Variants in LRRCC1 observed in about 807,000 individuals in gnomAD.
LRRCC1 encodes the protein leucine rich repeat and coiled-coil centrosomal protein 1, also known as leucine-rich repeat and coiled-coil domain-containing protein 1.
Under a neutral mutation model 126.0 loss-of-function variants are expected in LRRCC1, and 115 were observed. The observed-to-expected ratio is 0.91, with a 90% CI of 0.78 to 1.07. LRRCC1 has a LOEUF of 1.07. Among genes scored for constraint, LRRCC1 ranks in the 50% least tolerant of loss-of-function variants. LRRCC1 has a pLI of 0.00. For synonymous variants in LRRCC1, 400 were observed against 393.4 expected (o/e 1.02, Z -0.20); for missense variants, 1,172 against 1,175.7 (o/e 1.00, Z 0.05).
rs1442564395 is a variant in LRRCC1, at chr8:85,115,560, C to A, written c.906C>A (p.Asp302Glu). 6.2e-7 allele frequency: 1 copy of A among 1,605,862 alleles called. No homozygotes were observed. Among genetic ancestry groups the A allele is most frequent in the Non-Finnish European group, 8.5e-7 (1 of 1,173,616 alleles). Residue 302 changes from aspartate (D) to glutamate (E), a missense_variant, in exon 6 of 19, where the codon GAC becomes GAA. Asp to Glu is a conservative substitution (Grantham distance 45). Coordinates refer to ENST00000360375, the MANE Select transcript of LRRCC1 (RefSeq NM_033402.5). Reference protein sequence around the residue: ...QNEIKLQKLDDQILQLLNETS... With the variant: ...QNEIKLQKLDEQILQLLNETS... ...AGATAAAACTTCAGAAATTAGATGA[C>A]CAAATTCTACAACTTCTAAATGAAG...
At chr8:85,143,926 T>A (rs2136013257) in intron 18 of LRRCC1, among the ~76,000 whole-genome samples, 1 of 152,134 alleles carries the variant, frequency 6.6e-6, no homozygotes, top group South Asian at 2.1e-4. Context: ...TTGGGAGAAA[T>A]ATTAGTTTTC....
At chr8:85,111,121 T>A (rs950433107) in intron 3 of LRRCC1, among the ~76,000 whole-genome samples, 1 of 152,228 alleles carries the variant, frequency 6.6e-6, no homozygotes, top group African/African-American at 2.4e-5. Context: ...CTCACGCCTG[T>A]AATCCCAGCA....
At chr8:85,107,491 C>A in intron 1 of LRRCC1, 92 bp downstream of exon 1, 4 of 1,097,014 alleles carry the variant, frequency 3.6e-6, no homozygotes, top group South Asian at 1.5e-5. Context: ...GGAGGCGCGG[C>A]ACTGCTTTAC....
At position 85,129,333 on chromosome 8, in the gene LRRCC1, C is replaced by T; in HGVS notation, c.1580C>T (p.Thr527Ile). The stretch of plus-strand genomic sequence containing the variant: ...AAACACTTAAGAACCCTCGAAAAAA[C>T]ATTAGAAAAAATGGAGAGACAAAAA... ...HLKHLRTLEK[T>I]LEKMERQKRQ... Residue 527 changes from threonine to isoleucine, a missense_variant, in exon 10 of 19, where the codon ACA becomes ATA. Transcript: ENST00000360375. The T allele has an allele frequency of 6.2e-7, 1 of 1,611,870 alleles. No homozygotes were observed.
At chr8:85,111,878 T>G (rs1048387062) in intron 3 of LRRCC1, among the ~76,000 whole-genome samples, 2 of 151,860 alleles carry the variant, frequency 1.3e-5, no homozygotes, top group African/African-American at 4.8e-5. Context: ...TTTTGTTTTT[T>G]TTTTTTTTTA....
Position 85,130,013 on chromosome 8 carries a change from C to A in LRRCC1, c.1721C>A (p.Ala574Glu), listed in dbSNP as rs765839225. Residue 574 changes from alanine to glutamate, a missense_variant, in exon 11 of 19, where the codon GCG becomes GAG. Transcript: ENST00000360375. ...RTSLHREREQ[A>E]QQLHQLLALK... The stretch of plus-strand genomic sequence containing the variant: ...TCCCTTCATCGAGAAAGAGAACAAG[C>A]GCAACAACTTCATCAACTTCTTGCA... 6.9e-6 allele frequency: 11 copies of A among 1,598,856 alleles called. No homozygotes were observed. In the South Asian group the frequency reaches 1.1e-4, roughly 16 times the overall value.
rs1325269951 is a variant in LRRCC1, at chr8:85,138,167, A to G, written c.2626A>G (p.Asn876Asp). 25 of 1,612,118 alleles carry G rather than the reference A, an allele frequency of 1.6e-5. No individual in the cohort carries two copies. The highest frequency in any genetic ancestry group is 2.0e-5 in the Non-Finnish European group (23 of 1,179,096). The part of the protein sequence containing the change: ...DEVLEKLERH[N>D]ERKEKLKQQL... ...GGTACTTGAGAAGTTGGAAAGGCAC[A>G]ATGAAAGAAAAGAAAAACTAAAACA... Residue 876 changes from asparagine (N) to aspartate (D), a missense_variant, in exon 16 of 19, where the codon AAT (asparagine) becomes GAT (aspartate). By Grantham distance (23) the Asn-to-Asp change is conservative (BLOSUM62 1). Coordinates refer to ENST00000360375, the MANE Select transcript of LRRCC1 (RefSeq NM_033402.5).
At chr8:85,122,934 T>C (rs183759712) in intron 6 of LRRCC1, among the ~76,000 whole-genome samples, 1 of 152,362 alleles carries the variant, frequency 6.6e-6, no homozygotes, top group East Asian at 1.9e-4. Context: ...GTTCATTTCA[T>C]TTATTTTGTT....
Position 85,124,876 on chromosome 8 carries a change from A to C in LRRCC1, c.1209A>C (p.Ser403=). ...CAAACTGTCCTATGTTACAAGAATCAGAAAAGCCAAAGACTGAAATAATTA... is the reference window on the plus strand; with the variant it reads ...CAAACTGTCCTATGTTACAAGAATCCGAAAAGCCAAAGACTGAAATAATTA... ...SLANCPMLQE[S]EKPKTEIIKV... is the part of the protein sequence containing the mutation. Residue 403 remains serine, a synonymous_variant, in exon 8 of 19, where the codon TCA becomes TCC. Transcript: ENST00000360375. 6.2e-7 allele frequency: 1 copy of C among 1,608,156 alleles called. No individual in the cohort carries two copies. Among genetic ancestry groups the C allele is most frequent in the Non-Finnish European group, 8.5e-7 (1 of 1,176,304 alleles).
At chr8:85,142,018 G>A (rs934954433) in intron 18 of LRRCC1, among the ~76,000 whole-genome samples, 1 of 152,122 alleles carries the variant, frequency 6.6e-6, no homozygotes, top group South Asian at 2.1e-4. Flanking sequence ...CATTCAGGCC[G>A]GGCGCAGTGG....
intron 9 of LRRCC1, among the ~76,000 whole-genome samples, chr8:85,128,101 TAGG>T (rs1446626697): frequency 6.6e-6 from 1 of 152,182 alleles, no homozygotes; most frequent in Non-Finnish European, 1.5e-5. Context: ...CTGAGTGTTG[TAGG>T]AGTTGTTTTT....
intron 1 of LRRCC1, among the ~76,000 whole-genome samples, chr8:85,108,284 C>A (rs1461972142): frequency 6.6e-6 from 1 of 152,218 alleles, no homozygotes; most frequent in Non-Finnish European, 1.5e-5. Flanking sequence ...GGACATTTTA[C>A]ATTTCTATTT....
intron 6 of LRRCC1, among the ~76,000 whole-genome samples, chr8:85,119,248 CTTA>C (rs368864986): frequency 5.4e-4 from 82 of 151,920 alleles, no homozygotes; most frequent in East Asian, 9.7e-4. Flanking sequence ...TTAATATTCC[CTTA>C]TTATACTTTT....
chr8:85,109,631 C>T lies in LRRCC1; in HGVS notation c.141C>T (p.Ala47=), dbSNP rs1181441675. ...TATCTTTAGATTCAACTCTTCATGC[C>T]GTCAATCTTCATTGCAATAACATCT... ...SELSLDSTLH[A]VNLHCNNISK... The change falls in exon 2 of 19, where the codon GCC becomes GCT. Residue 47 remains alanine (A), a synonymous_variant. Coordinates refer to ENST00000360375, the MANE Select transcript of LRRCC1 (RefSeq NM_033402.5). 25 of 1,609,606 alleles carry T rather than the reference C, an allele frequency of 1.6e-5. No individual in the cohort carries two copies. The highest frequency in any genetic ancestry group is 4.5e-5 in the East Asian group (2 of 44,738).
chr8:85,129,254 A>T lies in LRRCC1; in HGVS notation c.1501A>T (p.Lys501Ter), dbSNP rs759370647. 4 of 1,613,496 alleles carry T rather than the reference A, an allele frequency of 2.5e-6. No homozygotes were observed. The highest frequency in any genetic ancestry group is 2.7e-5 in the African/African-American group (2 of 74,930). ...VMVHKLQNEI[K>*]KLTVELMKAK... ...GGTTCACAAACTTCAAAATGAAATT[A>T]AAAAACTGACTGTTGAACTAATGAA... Residue 501 changes from lysine to a stop codon, truncating the protein, a stop_gained, in exon 10 of 19, where the codon AAA (lysine) becomes TAA (stop). Transcript: ENST00000360375. LOFTEE classifies it high-confidence loss of function.
At position 85,120,179 on chromosome 8, in the gene LRRCC1, G is replaced by A. The variant is rs551714261; in HGVS notation, c.931-3234G>A. Reference sequence around the variant, plus strand: ...GTTTTTCTAGGTGGATATTCATTGTGCTCTTAAAAAGAATGTGTATTCTAC... The same window carrying A: ...GTTTTTCTAGGTGGATATTCATTGTACTCTTAAAAAGAATGTGTATTCTAC... On this transcript the variant is annotated intron_variant, in intron 6 of 18. Transcript: ENST00000360375. 7.0e-4 allele frequency among the ~76,000 whole-genome samples: 106 copies of A among 151,904 alleles called. 1 individual carries two copies. The South Asian group carries it at 0.021, about 30-fold the overall frequency.
Position 85,138,330 on chromosome 8 carries a change from C to T in LRRCC1, c.2703-8C>T, listed in dbSNP as rs763299608. On this transcript the variant is annotated splice_polypyrimidine_tract_variant and splice_region_variant and intron_variant, in intron 16 of 18. Coordinates refer to ENST00000360375, the MANE Select transcript of LRRCC1 (RefSeq NM_033402.5). ...CCAATTTATTTTTCAAATTACTTCT[C>T]ATATTAGTACACTGAATCGGAAGTG... is the stretch of plus-strand genomic sequence containing the variant. The T allele has an allele frequency of 1.0e-5, 16 of 1,591,346 alleles. No homozygotes were observed. Among genetic ancestry groups the T allele is most frequent in the Non-Finnish European group, 1.4e-5 (16 of 1,172,672 alleles).
intron 6 of LRRCC1, among the ~76,000 whole-genome samples, chr8:85,116,525 A>G (rs1809139777): frequency 6.6e-6 from 1 of 151,998 alleles, no homozygotes; most frequent in South Asian, 2.1e-4. Flanking sequence ...GGCACATGCC[A>G]CTGTGCCTAG....
chr8:85,117,220 A>T (rs961010153), intron 6 of LRRCC1, among the ~76,000 whole-genome samples: 1 of 152,212 alleles, frequency 6.6e-6, no homozygotes, highest in African/African-American at 2.4e-5. Context: ...TCATTTATTT[A>T]AAAGTACTTT....
Sources: gnomAD v4.1 joint callset for allele counts (sites outside exome capture counted in the v4.1 genomes callset) on GRCh38, gnomAD v4.1.1 for gene constraint, MANE v1.5 for transcripts, NCBI Gene and HGNC (gene_info 2026-07-23, HGNC 2026-07-21) for gene names.